MARCHF4: variants seen among roughly 807,000 people sequenced by gnomAD.
MARCHF4 encodes E3 ubiquitin-protein ligase MARCHF4.
In MARCHF4, 14 loss-of-function variants were observed where a neutral mutation model predicts 43.9. The ratio of observed to expected loss-of-function variants is 0.32; its 90% confidence interval spans 0.21 to 0.50. The LOEUF (loss-of-function observed/expected upper bound fraction) is 0.50. Ranked by LOEUF, MARCHF4 falls within the 20% of genes least tolerant of loss-of-function variation. The probability of loss-of-function intolerance (pLI) is 0.98; values close to 1 mark genes in which losing one functional copy is unlikely to be tolerated. For missense variants in MARCHF4, 468 were observed against 536.7 expected (o/e 0.87, Z 1.27); for synonymous variants, 226 against 213.3 (o/e 1.06, Z -0.52).
At chr2:216,364,333 G>A in intron 1 of MARCHF4, among the ~76,000 whole-genome samples, 1 of 152,162 alleles carries the variant, frequency 6.6e-6, no homozygotes, top group South Asian at 2.1e-4. Context: ...TGGGTTGAGA[G>A]CCAATGATCT....
chr2:216,288,697 G>GGCAGGAT (rs1406847602), intron 1 of MARCHF4, among the ~76,000 whole-genome samples: 1 of 152,090 alleles, frequency 6.6e-6, no homozygotes, highest in African/African-American at 2.4e-5. Context: ...GGAGGCAGGA[G>GGCAGGAT]GCAGGAGGTG....
In MARCHF4 at chr2:216,259,033, C is replaced by A. The variant is rs2106079670; in HGVS notation, c.*279G>T. ...TACCTTGCCTGCAGGTGCATTGGGG[C>A]AGGGTTTTTCTGTTGGGCCAGGTTC... On this transcript the variant is annotated 3_prime_UTR_variant, in exon 4 of 4. Transcript: ENST00000273067. The A allele has an allele frequency of 3.5e-6, 1 of 286,362 alleles. No individual in the cohort carries two copies. The highest frequency in any genetic ancestry group is 5.9e-5 in the East Asian group (1 of 16,892). The allele number at this position is 286,362 out of a possible 1,614,324, so 17.7% of individuals were successfully genotyped here.
At position 216,259,019 on chromosome 2, in the gene MARCHF4, C is replaced by T. The variant is rs958493091; in HGVS notation, c.*293G>A. ...TCTGCTTCTTCGGGTACCTTGCCTG[C>T]AGGTGCATTGGGGCAGGGTTTTTCT... is the stretch of plus-strand genomic sequence containing the variant. On this transcript the variant is annotated 3_prime_UTR_variant, in exon 4 of 4. Coordinates refer to ENST00000273067, the MANE Select transcript of MARCHF4 (RefSeq NM_020814.3). The T allele has an allele frequency of 1.5e-5, 4 of 258,198 alleles. No individual in the cohort carries two copies. Among genetic ancestry groups the T allele is most frequent in the African/African-American group, 2.2e-5 (1 of 46,054 alleles). The allele number at this position is 258,198 out of a possible 1,614,324, so 16.0% of individuals were successfully genotyped here.
Position 216,370,510 on chromosome 2 carries a change from C to G in MARCHF4, c.-250G>C. 2.4e-6 allele frequency: 1 copy of G among 417,456 alleles called. No homozygotes were observed. Among genetic ancestry groups the G allele is most frequent in the East Asian group, 3.7e-5 (1 of 27,080 alleles). The allele number at this position is 417,456 out of a possible 1,614,324, so 25.9% of individuals were successfully genotyped here. A position where few individuals can be genotyped will look rare whatever the true frequency, so the allele number is the denominator to read the frequency against. ...TTTTCTTGCCCTCACACACCCACCC[C>G]AACCTCCAACTTTGTTCAGTGTGTC... On this transcript the variant is annotated 5_prime_UTR_variant, in exon 1 of 4. Transcript: ENST00000273067.
At chr2:216,299,947 T>G (rs573291656) in intron 1 of MARCHF4, among the ~76,000 whole-genome samples, 1 of 152,198 alleles carries the variant, frequency 6.6e-6, no homozygotes, top group Non-Finnish European at 1.5e-5. Context: ...CACTTTTCAA[T>G]GCACAAGCAC....
intron 2 of MARCHF4, among the ~76,000 whole-genome samples, chr2:216,282,858 T>G (rs1214303351): frequency 6.6e-6 from 1 of 152,210 alleles, no homozygotes; most frequent in African/African-American, 2.4e-5. Context: ...CTATTTCTTA[T>G]TGCTCTTATT....
intron 1 of MARCHF4, among the ~76,000 whole-genome samples, chr2:216,367,471 T>C (rs1574489928): frequency 6.6e-6 from 1 of 152,014 alleles, no homozygotes; most frequent in South Asian, 2.1e-4. Flanking sequence ...GAGAAGAAAC[T>C]GGGAAACTGT....
At chr2:216,330,423 T>C (rs947759539) in intron 1 of MARCHF4, among the ~76,000 whole-genome samples, 2 of 152,064 alleles carry the variant, frequency 1.3e-5, no homozygotes, top group African/African-American at 4.8e-5. Context: ...AGAGGGAAAC[T>C]TTACCACATC....
chr2:216,356,644 T>A (rs1325089376), intron 1 of MARCHF4, among the ~76,000 whole-genome samples: 3 of 152,232 alleles, frequency 2.0e-5, no homozygotes, highest in Non-Finnish European at 1.5e-5. Context: ...TCACAATTAT[T>A]CCAAGTCTGA....
At chr2:216,267,335 A>G (rs148446970) in intron 3 of MARCHF4, among the ~76,000 whole-genome samples, 17 of 152,356 alleles carry the variant, frequency 1.1e-4, no homozygotes, top group Middle Eastern at 3.4e-3. Flanking sequence ...CCCAATAAAA[A>G]TAAAAACAAA....
chr2:216,263,509 G>GAAAA (rs869281398), intron 3 of MARCHF4, among the ~76,000 whole-genome samples: 1 of 39,490 alleles, frequency 2.5e-5, no homozygotes, highest in African/African-American at 5.4e-5. Context: ...GAGAGAGAGA[G>GAAAA]AGAGAGAGAG....
chr2:216,278,442 G>A (rs1302485816), intron 2 of MARCHF4, among the ~76,000 whole-genome samples: 1 of 152,080 alleles, frequency 6.6e-6, no homozygotes, highest in Non-Finnish European at 1.5e-5. Context: ...AGCCAGGATG[G>A]TCTCGATCTC....
intron 1 of MARCHF4, among the ~76,000 whole-genome samples, chr2:216,364,083 G>C (rs1209013919): frequency 6.6e-6 from 1 of 152,098 alleles, no homozygotes; most frequent in East Asian, 1.9e-4. Flanking sequence ...GGACAGCTTT[G>C]ATAGAAAGTT....
intron 1 of MARCHF4, among the ~76,000 whole-genome samples, chr2:216,308,555 A>G (rs961093937): frequency 1.3e-5 from 2 of 152,216 alleles, no homozygotes; most frequent in African/African-American, 4.8e-5. Context: ...AGAGCCCTAC[A>G]GTGTGCCTGG....
At chr2:216,282,195 C>G (rs1269510266) in intron 2 of MARCHF4, among the ~76,000 whole-genome samples, 1 of 152,096 alleles carries the variant, frequency 6.6e-6, no homozygotes, top group Non-Finnish European at 1.5e-5. Flanking sequence ...TTTATGGCCC[C>G]TTGGTATACT....
At chr2:216,366,334 T>C (rs1340664989) in intron 1 of MARCHF4, among the ~76,000 whole-genome samples, 1 of 152,184 alleles carries the variant, frequency 6.6e-6, no homozygotes, top group Non-Finnish European at 1.5e-5. Context: ...TAGTGCAGCT[T>C]CAACCAAAAA....
At chr2:216,304,851 G>A (rs1051761989) in intron 1 of MARCHF4, among the ~76,000 whole-genome samples, 3 of 152,160 alleles carry the variant, frequency 2.0e-5, no homozygotes, top group Non-Finnish European at 4.4e-5. Context: ...CTACTCAGAA[G>A]GCTGAGGCAG....
intron 3 of MARCHF4, among the ~76,000 whole-genome samples, chr2:216,276,899 G>A (rs559922783): frequency 6.6e-6 from 1 of 152,286 alleles, no homozygotes; most frequent in South Asian, 2.1e-4. Flanking sequence ...AAACTACATG[G>A]TGGAAGAAAG....
intron 1 of MARCHF4, among the ~76,000 whole-genome samples, chr2:216,301,963 C>A (rs1259361265): frequency 1.3e-5 from 2 of 152,120 alleles, no homozygotes; most frequent in Non-Finnish European, 2.9e-5. Context: ...GAAGTGGGAC[C>A]AGTCATTGAC....
Sources: gnomAD v4.1 joint callset for allele counts (sites outside exome capture counted in the v4.1 genomes callset) on GRCh38, gnomAD v4.1.1 for gene constraint, MANE v1.5 for transcripts, NCBI Gene and HGNC (gene_info 2026-07-23, HGNC 2026-07-21) for gene names.